Variants in ATP10B observed in about 807,000 individuals in gnomAD.
ATP10B encodes ATPase phospholipid transporting 10B (putative), also known as phospholipid-transporting ATPase VB.
A neutral mutation model predicts 141.2 loss-of-function variants in ATP10B; 122 were observed. That is an observed-to-expected ratio of 0.86 (90% CI 0.75 to 1.00). ATP10B has a LOEUF of 1.00. ATP10B is among the 50% of genes least tolerant of loss of function. The pLI is 0.00. For missense variants in ATP10B, 1,876 were observed against 1,825.3 expected (o/e 1.03, Z -0.51); for synonymous variants, 685 against 692.0 (o/e 0.99, Z 0.16).
chr5:160,594,617 C>A (rs1756550606), intron 22 of ATP10B, among the ~76,000 whole-genome samples: 1 of 151,370 alleles, frequency 6.6e-6, no homozygotes, highest in African/African-American at 2.4e-5. Flanking sequence ...AGTCAAGACC[C>A]ATCAGTGTGC....
At chr5:160,652,862 TATATA>T (rs1233552098) in intron 7 of ATP10B, among the ~76,000 whole-genome samples, 1 of 92,890 alleles carries the variant, frequency 1.1e-5, no homozygotes, top group Non-Finnish European at 1.9e-5. Context: ...TTATAAATTA[TATATA>T]ATATATATAA....
intron 2 of ATP10B, among the ~76,000 whole-genome samples, chr5:160,736,936 CCAGA>C (rs1366133305): frequency 6.6e-6 from 1 of 152,128 alleles, no homozygotes; most frequent in African/African-American, 2.4e-5. Flanking sequence ...GATACAAAAA[CCAGA>C]CAAAGACATA....
chr5:160,836,243 C>A (rs532632629), intron 1 of ATP10B, among the ~76,000 whole-genome samples: 3 of 152,206 alleles, frequency 2.0e-5, no homozygotes, highest in African/African-American at 7.2e-5. Context: ...TCAATTTACA[C>A]ACAGAAAATG....
intron 2 of ATP10B, among the ~76,000 whole-genome samples, chr5:160,726,157 A>G (rs1445170419): frequency 6.6e-6 from 1 of 152,134 alleles, no homozygotes; most frequent in Non-Finnish European, 1.5e-5. Context: ...ACGTTGCTTC[A>G]TAACATGGTC....
intron 2 of ATP10B, among the ~76,000 whole-genome samples, chr5:160,738,584 A>C (rs1767272768): frequency 6.6e-6 from 1 of 152,132 alleles, no homozygotes; most frequent in Non-Finnish European, 1.5e-5. Flanking sequence ...CAATCATGAA[A>C]GGATAATAAA....
In ATP10B at chr5:160,725,675, G is replaced by C. The variant is rs181036732; in HGVS notation, c.-330-8641C>G. ...TTAGCCAGGATGGTCTCGATCTCCT[G>C]ACCTCGTGATCTGCCCGCCTTGGCC... On this transcript the variant is annotated intron_variant, in intron 2 of 25. Coordinates refer to ENST00000327245, the MANE Select transcript of ATP10B (RefSeq NM_025153.3). 3.1e-3 allele frequency among the ~76,000 whole-genome samples: 471 copies of C among 152,268 alleles called. 1 individual carries two copies. Among genetic ancestry groups the C allele is most frequent in the African/African-American group, 0.01 (430 of 41,556 alleles).
intron 3 of ATP10B, among the ~76,000 whole-genome samples, chr5:160,714,970 G>A (rs1230794361): frequency 6.1e-5 from 6 of 98,566 alleles, no homozygotes; most frequent in African/African-American, 1.1e-4. Context: ...CAGTCTGCCC[G>A]TTCTCAGATC....
At chr5:160,612,595 C>G (rs530008638) in intron 18 of ATP10B, 146 bp downstream of exon 18, 2 of 623,338 alleles carry the variant, frequency 3.2e-6, no homozygotes, top group Non-Finnish European at 5.4e-6. Flanking sequence ...TTCCAGGGTC[C>G]TCTAGACTCC....
intron 9 of ATP10B, among the ~76,000 whole-genome samples, chr5:160,641,953 T>A (rs1759898579): frequency 6.6e-6 from 1 of 152,208 alleles, no homozygotes; most frequent in African/African-American, 2.4e-5. Context: ...CCTGGGCCTG[T>A]AGAATTTCTG....
chr5:160,787,483 A>C (rs1258390260), intron 1 of ATP10B, among the ~76,000 whole-genome samples: 1 of 152,182 alleles, frequency 6.6e-6, no homozygotes, highest in Non-Finnish European at 1.5e-5. Context: ...GCCTGGGTCC[A>C]GCTAGGTTTC....
intron 2 of ATP10B, among the ~76,000 whole-genome samples, chr5:160,746,847 GC>G (rs1767840945): frequency 6.6e-6 from 1 of 152,148 alleles, no homozygotes; most frequent in Non-Finnish European, 1.5e-5. Context: ...GGAAATTGTG[GC>G]CCAGAGATGG....
chr5:160,652,672 CATAT>C (rs1268677289), intron 7 of ATP10B, among the ~76,000 whole-genome samples: 6 of 127,026 alleles, frequency 4.7e-5, no homozygotes, highest in Admixed American at 1.9e-4. Flanking sequence ...ATTATATATA[CATAT>C]ATAAATACAT....
upstream of ATP10B, among the ~76,000 whole-genome samples, chr5:160,856,212 G>A (rs983296453): frequency 2.0e-5 from 3 of 151,908 alleles, no homozygotes; most frequent in East Asian, 1.9e-4. Flanking sequence ...GACATAGTGT[G>A]TCTCTTCATC....
chr5:160,730,786 C>A (rs1043169570), intron 2 of ATP10B, among the ~76,000 whole-genome samples: 1 of 152,082 alleles, frequency 6.6e-6, no homozygotes, highest in Non-Finnish European at 1.5e-5. Flanking sequence ...ATATATGACC[C>A]GCCCCTGTGG....
intron 2 of ATP10B, among the ~76,000 whole-genome samples, chr5:160,785,261 G>A (rs113461477): frequency 6.4e-4 from 97 of 152,148 alleles, no homozygotes; most frequent in African/African-American, 2.3e-3. Flanking sequence ...TCTGTTACTT[G>A]CAGCCAATAG....
chr5:160,734,061 T>A (rs1766937964), intron 2 of ATP10B, among the ~76,000 whole-genome samples: 1 of 136,326 alleles, frequency 7.3e-6, no homozygotes, highest in South Asian at 2.3e-4. Context: ...TGAGCCGATA[T>A]CATGTCACTG....
intron 7 of ATP10B, among the ~76,000 whole-genome samples, chr5:160,655,366 G>T (rs1245479969): frequency 6.6e-6 from 1 of 151,550 alleles, no homozygotes; most frequent in Non-Finnish European, 1.5e-5. Context: ...AATCAGAATT[G>T]CTCCTTTTCA....
chr5:160,688,405 C>G (rs1400257504), intron 4 of ATP10B, among the ~76,000 whole-genome samples: 1 of 152,128 alleles, frequency 6.6e-6, no homozygotes. Context: ...CACTGGAATA[C>G]GTGCCATGGG....
chr5:160,587,132 G>T (rs1001578671), intron 24 of ATP10B, among the ~76,000 whole-genome samples: 3 of 151,556 alleles, frequency 2.0e-5, no homozygotes, highest in African/African-American at 7.3e-5. Flanking sequence ...TTTGTATAAG[G>T]TGTTAATTTT....
Sources: gnomAD v4.1 joint callset for allele counts (sites outside exome capture counted in the v4.1 genomes callset) on GRCh38, gnomAD v4.1.1 for gene constraint, MANE v1.5 for transcripts, NCBI Gene and HGNC (gene_info 2026-07-23, HGNC 2026-07-21) for gene names.